Variants in GRIK2 observed in about 807,000 individuals in gnomAD.
The protein encoded by GRIK2 is glutamate ionotropic receptor kainate type subunit 2.
Under a neutral mutation model 100.3 loss-of-function variants are expected in GRIK2, and 32 were observed. The observed-to-expected ratio is 0.32, with a 90% CI of 0.24 to 0.43. The LOEUF is 0.43. GRIK2 is among the 20% of genes least tolerant of loss of function. The pLI is 1.00. For synonymous variants in GRIK2, 417 were observed against 389.4 expected, an observed-to-expected ratio of 1.07 and a Z score of -0.83; for missense variants, 843 against 1,114.9, an observed-to-expected ratio of 0.76 and a Z score of 3.47.
chr6:101,582,061 A>G (rs960019229), intron 2 of GRIK2, among the ~76,000 whole-genome samples: 1 of 150,894 alleles, frequency 6.6e-6, no homozygotes. Context: ...TTTTTTTTTC[A>G]TTGTTTTTAT....
chr6:101,573,283 G>T (rs994675010), intron 2 of GRIK2, among the ~76,000 whole-genome samples: 2 of 152,078 alleles, frequency 1.3e-5, no homozygotes, highest in Admixed American at 6.6e-5. Context: ...GTCTATGTTT[G>T]TCTTTTGTAG....
chr6:101,849,340 C>A (rs998226720), intron 10 of GRIK2, among the ~76,000 whole-genome samples: 4 of 152,082 alleles, frequency 2.6e-5, no homozygotes, highest in Non-Finnish European at 1.5e-5. Flanking sequence ...TCCTTAATCT[C>A]CCTTTTAAAA....
chr6:101,706,361 T>C (rs924730101), intron 7 of GRIK2, among the ~76,000 whole-genome samples: 1 of 151,998 alleles, frequency 6.6e-6, no homozygotes, highest in East Asian at 1.9e-4. Context: ...ACATATTTGT[T>C]ATTCAAATTC....
chr6:101,800,401 T>C (rs1780597404), intron 8 of GRIK2, among the ~76,000 whole-genome samples: 1 of 151,982 alleles, frequency 6.6e-6, no homozygotes, highest in Admixed American at 6.6e-5. Flanking sequence ...TGCATATATA[T>C]ACAAATATGT....
At chr6:101,948,222 G>A (rs966600460) in intron 14 of GRIK2, among the ~76,000 whole-genome samples, 1 of 151,650 alleles carries the variant, frequency 6.6e-6, no homozygotes, top group Admixed American at 6.6e-5. Context: ...AGAATGGTTG[G>A]GTAGGAGCAT....
chr6:102,018,399 C>T (rs1294962552), intron 14 of GRIK2, among the ~76,000 whole-genome samples: 2 of 152,090 alleles, frequency 1.3e-5, no homozygotes, highest in African/African-American at 2.4e-5. Context: ...GCAATTTAGG[C>T]TCTGGTAAAA....
chr6:101,447,998 C>A (rs1351867966), intron 2 of GRIK2, among the ~76,000 whole-genome samples: 3 of 151,616 alleles, frequency 2.0e-5, no homozygotes, highest in African/African-American at 7.2e-5. Flanking sequence ...ATAATGTGAG[C>A]ATTACTTTAT....
intron 11 of GRIK2, among the ~76,000 whole-genome samples, chr6:101,873,491 A>C (rs1386873170): frequency 6.6e-6 from 1 of 151,976 alleles, no homozygotes; most frequent in Non-Finnish European, 1.5e-5. Flanking sequence ...AATCCAGTCT[A>C]TCATTGATGG....
chr6:101,752,052 AAAG>A (rs1703893190), intron 7 of GRIK2, among the ~76,000 whole-genome samples: 1 of 152,190 alleles, frequency 6.6e-6, no homozygotes, highest in Non-Finnish European at 1.5e-5. Context: ...TTCATGTAGA[AAAG>A]AAAAAAATAA....
chr6:101,645,188 C>A (rs529182446), intron 4 of GRIK2, among the ~76,000 whole-genome samples: 1 of 151,380 alleles, frequency 6.6e-6, no homozygotes, highest in South Asian at 2.1e-4. Context: ...TAAAATCAAC[C>A]ATAATCTTAC....
intron 2 of GRIK2, among the ~76,000 whole-genome samples, chr6:101,448,985 A>G (rs1241104499): frequency 6.6e-6 from 1 of 151,654 alleles, no homozygotes; most frequent in Non-Finnish European, 1.5e-5. Flanking sequence ...AAAAGATAAA[A>G]AGAAAGCAGA....
chr6:101,434,989 T>G (rs1051292515), intron 2 of GRIK2, among the ~76,000 whole-genome samples: 1 of 152,170 alleles, frequency 6.6e-6, no homozygotes, highest in Non-Finnish European at 1.5e-5. Flanking sequence ...AGATTTAGGT[T>G]GCACAAACTG....
chr6:101,479,394 A>G (rs1232581141), intron 2 of GRIK2, among the ~76,000 whole-genome samples: 1 of 152,178 alleles, frequency 6.6e-6, no homozygotes, highest in Non-Finnish European at 1.5e-5. Context: ...TAATATGAGT[A>G]TGGCATGTTG....
At chr6:101,691,656 C>A (rs1296357004) in intron 7 of GRIK2, among the ~76,000 whole-genome samples, 1 of 151,976 alleles carries the variant, frequency 6.6e-6, no homozygotes, top group African/African-American at 2.4e-5. Context: ...AAGAGTAGTT[C>A]CCATTCTTTT....
chr6:101,926,195 GTTTT>G (rs35007201), intron 13 of GRIK2, among the ~76,000 whole-genome samples: 1 of 127,572 alleles, frequency 7.8e-6, no homozygotes, highest in Non-Finnish European at 1.6e-5. Flanking sequence ...GGGTCCAAGG[GTTTT>G]TTTTTTTTTT....
intron 2 of GRIK2, among the ~76,000 whole-genome samples, chr6:101,610,453 G>T (rs1452273109): frequency 6.6e-6 from 1 of 151,580 alleles, no homozygotes; most frequent in Non-Finnish European, 1.5e-5. Flanking sequence ...AAACATATTT[G>T]CATCTATATT....
chr6:101,657,933 A>T (rs1769314308), intron 4 of GRIK2, among the ~76,000 whole-genome samples: 1 of 152,098 alleles, frequency 6.6e-6, no homozygotes, highest in Admixed American at 6.6e-5. Context: ...ACTTATGCTG[A>T]TAGAGGCTAA....
chr6:101,831,201 T>A (rs1782659437), intron 10 of GRIK2, among the ~76,000 whole-genome samples: 1 of 152,124 alleles, frequency 6.6e-6, no homozygotes, highest in African/African-American at 2.4e-5. Flanking sequence ...GAAAGTGATT[T>A]TTTAATAGTA....
chr6:101,776,032 G>T (rs1174972569), intron 7 of GRIK2, among the ~76,000 whole-genome samples: 1 of 152,132 alleles, frequency 6.6e-6, no homozygotes, highest in Non-Finnish European at 1.5e-5. Flanking sequence ...TTTTCACTGT[G>T]TAAGAGGAGG....
Sources: gnomAD v4.1 joint callset for allele counts (sites outside exome capture counted in the v4.1 genomes callset) on GRCh38, gnomAD v4.1.1 for gene constraint, MANE v1.5 for transcripts, NCBI Gene and HGNC (gene_info 2026-07-23, HGNC 2026-07-21) for gene names.